The following GNG7 variants were observed in gnomAD, a reference collection of about 807,000 sequenced individuals.
GNG7 encodes the protein guanine nucleotide-binding protein G(I)/G(S)/G(O) subunit gamma-7.
In GNG7, 1 loss-of-function variant was observed where a neutral mutation model predicts 4.0. That is an observed-to-expected ratio of 0.25 (90% CI 0.09 to 1.18). The LOEUF (loss-of-function observed/expected upper bound fraction) is 1.18, where lower values mean the gene tolerates loss of function less well. GNG7 is among the 50% of genes most tolerant of loss of function. The pLI, the probability that GNG7 is intolerant of heterozygous loss-of-function variation, is 0.50. For missense variants in GNG7, 86 were observed against 91.9 expected (o/e 0.94, Z 0.26); for synonymous variants, 34 against 36.9 (o/e 0.92, Z 0.29).
At chr19:2,697,693 G>A (rs1463612080) in intron 1 of GNG7, among the ~76,000 whole-genome samples, 4 of 152,090 alleles carry the variant, frequency 2.6e-5, no homozygotes, top group African/African-American at 7.2e-5. Context: ...GGTGGCTCAC[G>A]CCTGTCACCC....
chr19:2,610,790 T>C (rs921366028), intron 2 of GNG7: 1 of 151,936 alleles, frequency 6.6e-6, no homozygotes. Flanking sequence ...TGTTGCAAGA[T>C]GCTGACAGGT....
At chr19:2,642,938 G>T in intron 2 of GNG7, 1 of 430,984 alleles carries the variant, frequency 2.3e-6, no homozygotes, top group African/African-American at 2.4e-5. Context: ...ACCTCTCCGG[G>T]CTCTGCACAC....
At chr19:2,542,210 G>A (rs562832826) in intron 3 of GNG7, among the ~76,000 whole-genome samples, 2 of 147,194 alleles carry the variant, frequency 1.4e-5, no homozygotes, top group Admixed American at 1.4e-4. Flanking sequence ...CGCCTCCCAG[G>A]TTCAAGTGAT....
intron 1 of GNG7, chr19:2,683,449 A>AAGAGT: frequency 6.6e-6 from 1 of 152,072 alleles, no homozygotes; most frequent in East Asian, 1.9e-4. Flanking sequence ...CCTGCTAGAT[A>AAGAGT]CTCTCCACGC....
intron 2 of GNG7, among the ~76,000 whole-genome samples, chr19:2,635,935 T>C (rs141444328): frequency 6.6e-6 from 1 of 152,178 alleles, no homozygotes; most frequent in Non-Finnish European, 1.5e-5. Context: ...TTGGGGACAT[T>C]TGTGGTTGTC....
chr19:2,631,437 T>C (rs1982156102), intron 2 of GNG7, among the ~76,000 whole-genome samples: 1 of 152,230 alleles, frequency 6.6e-6, no homozygotes, highest in Non-Finnish European at 1.5e-5. Flanking sequence ...AAACCTTTTC[T>C]GCAAAAGGCC....
chr19:2,691,268 GC>G (rs1243138039), intron 1 of GNG7, among the ~76,000 whole-genome samples: 1 of 152,152 alleles, frequency 6.6e-6, no homozygotes, highest in Non-Finnish European at 1.5e-5. Flanking sequence ...TTTCGGCCTG[GC>G]TCAGTAACGC....
At chr19:2,587,125 G>A (rs558058214) in intron 2 of GNG7, among the ~76,000 whole-genome samples, 2 of 152,162 alleles carry the variant, frequency 1.3e-5, no homozygotes, top group Non-Finnish European at 1.5e-5. Flanking sequence ...CAGGGGCTAG[G>A]ATCAGCCGCA....
rs150822070 is a variant in GNG7, at chr19:2,646,032, A to G, written c.-78+192T>C. The stretch of plus-strand genomic sequence containing the variant: ...ACGTTCCCTGCCTCGTGGGCGGGAA[A>G]CTCTGCCAGGAGCTAGCAGCTGTTA... On this transcript the variant is annotated intron_variant, in intron 2 of 4. Coordinates refer to ENST00000382159, the MANE Select transcript of GNG7 (RefSeq NM_052847.3). 1.7e-3 allele frequency among the ~76,000 whole-genome samples: 256 copies of G among 151,926 alleles called. 1 individual carries two copies. Among genetic ancestry groups the G allele is most frequent in the Non-Finnish European group, 3.2e-3 (218 of 67,936 alleles).
At chr19:2,548,781 C>G (rs1979216777) in intron 3 of GNG7, among the ~76,000 whole-genome samples, 1 of 150,708 alleles carries the variant, frequency 6.6e-6, no homozygotes, top group Non-Finnish European at 1.5e-5. Flanking sequence ...GAGCGAGACT[C>G]TGTCTCAAAA....
intron 3 of GNG7, among the ~76,000 whole-genome samples, chr19:2,539,963 T>TCCTC (rs961405707): frequency 3.5e-5 from 5 of 141,978 alleles, no homozygotes; most frequent in Admixed American, 2.8e-4. Context: ...CTTCCTTCCT[T>TCCTC]CCTCCCTCCC....
At chr19:2,672,920 C>T (rs772697214) in intron 1 of GNG7, among the ~76,000 whole-genome samples, 3 of 152,062 alleles carry the variant, frequency 2.0e-5, no homozygotes, top group Admixed American at 1.3e-4. Context: ...TGGAAACTCA[C>T]GTTGGGGGAC....
In GNG7 at chr19:2,611,845, A is replaced by T. The variant is rs1568262486; in HGVS notation, c.-78+34379T>A. 1 of 152,198 alleles carries T rather than the reference A, an allele frequency of 6.6e-6. No homozygotes were observed. The highest frequency in any genetic ancestry group is 1.5e-5 in the Non-Finnish European group (1 of 68,040). 9.4% of individuals were successfully genotyped at this position (152,198 alleles called of 1,614,324 possible). On this transcript the variant is annotated intron_variant, in intron 2 of 4. Transcript: ENST00000382159. This position sits in a 1 kb window ranked among gnomAD's most constrained non-coding sequence, Gnocchi z 6.0. ...AGGGAGATTCTGTCTCTAAAAAAAT[A>T]AAAAGTAAAAGTAAAAGTAAATAAA...
At chr19:2,603,226 C>G (rs547519793) in intron 2 of GNG7, among the ~76,000 whole-genome samples, 1 of 152,100 alleles carries the variant, frequency 6.6e-6, no homozygotes, top group South Asian at 2.1e-4. Context: ...ACCACCATGC[C>G]TGGCTAATTT....
At chr19:2,571,043 C>T (rs1980130237) in intron 2 of GNG7, among the ~76,000 whole-genome samples, 1 of 151,952 alleles carries the variant, frequency 6.6e-6, no homozygotes, top group Non-Finnish European at 1.5e-5. Context: ...CTCAAGTGAT[C>T]CACCCACCTT....
intron 4 of GNG7, 151 bp from the exon 5 acceptor site, chr19:2,515,298 C>T (rs935049038): frequency 7.8e-5 from 67 of 861,780 alleles, no homozygotes; most frequent in Admixed American, 5.1e-4. Flanking sequence ...CCCGTCCACA[C>T]GCTGGAATAT....
rs202100769 is a variant in GNG7, at chr19:2,634,887, C to CAA, written c.-78+11335_-78+11336dup. Reference sequence around the variant, plus strand: ...GTAAAGCTCTCAGCAGAAATGTTACCAAAAAAAAAAAACCCTCGCCGGGAG... The same window carrying CAA: ...GTAAAGCTCTCAGCAGAAATGTTACCAAAAAAAAAAAAAACCCTCGCCGGGAG... On this transcript the variant is annotated intron_variant, in intron 2 of 4. Coordinates refer to ENST00000382159, the MANE Select transcript of GNG7 (RefSeq NM_052847.3). The surrounding 1 kb of genome is among the most constrained non-coding windows in gnomAD (Gnocchi z 5.3). Among the ~76,000 whole-genome samples, 10 of 137,542 alleles carry CAA rather than the reference C, an allele frequency of 7.3e-5. No homozygotes were observed. The highest frequency in any genetic ancestry group is 2.1e-4 in the East Asian group (1 of 4,818). 90.2% of individuals were successfully genotyped at this position (137,542 alleles called of 152,430 possible).
At chr19:2,587,861 GAGAA>G (rs1980721619) in intron 2 of GNG7, among the ~76,000 whole-genome samples, 3 of 121,270 alleles carry the variant, frequency 2.5e-5, no homozygotes, top group Non-Finnish European at 5.0e-5. Context: ...GAGAGAAAGA[GAGAA>G]GGAAGGAAGG....
intron 2 of GNG7, among the ~76,000 whole-genome samples, chr19:2,629,545 C>G (rs1982104046): frequency 6.6e-6 from 1 of 152,192 alleles, no homozygotes; most frequent in Non-Finnish European, 1.5e-5. Flanking sequence ...GTGCCACCCC[C>G]TCCCCACGAC....
Sources: allele counts gnomAD v4.1 joint callset (sites outside exome capture counted in the v4.1 genomes callset), GRCh38; gene constraint gnomAD v4.1.1; non-coding constraint Gnocchi (gnomAD v3.1); transcripts MANE v1.5; gene names NCBI Gene and HGNC (gene_info 2026-07-23, HGNC 2026-07-21).